The following GJA5 variants were observed in gnomAD, a reference collection of about 807,000 sequenced individuals.
GJA5 encodes gap junction alpha-5 protein.
A neutral mutation model predicts 7.9 loss-of-function variants in GJA5; 3 were observed. That is an observed-to-expected ratio of 0.38 (90% CI 0.17 to 0.99). The LOEUF is 0.99. Ranked by LOEUF, GJA5 falls within the 50% of genes least tolerant of loss-of-function variation. The pLI is 0.38. For missense variants in GJA5, 390 were observed against 457.9 expected, an observed-to-expected ratio of 0.85 and a Z score of 1.35; for synonymous variants, 193 against 181.0, an observed-to-expected ratio of 1.07 and a Z score of -0.53.
intron 1 of GJA5, among the ~76,000 whole-genome samples, chr1:147,768,070 G>A (rs1311765782): frequency 6.6e-6 from 1 of 152,120 alleles, no homozygotes; most frequent in Non-Finnish European, 1.5e-5. Flanking sequence ...GGGCAGTGTG[G>A]GCACCTTCCT....
chr1:147,761,889 GA>G (rs1326789056), upstream of GJA5, among the ~76,000 whole-genome samples: 1 of 152,168 alleles, frequency 6.6e-6, no homozygotes, highest in Non-Finnish European at 1.5e-5. Flanking sequence ...TGGAAATGGA[GA>G]AAAAGACCAT....
intron 1 of GJA5, among the ~76,000 whole-genome samples, chr1:147,771,380 A>G (rs1265750575): frequency 6.6e-6 from 1 of 152,164 alleles, no homozygotes; most frequent in African/African-American, 2.4e-5. Context: ...ATGAGTGAGC[A>G]GGGCAGGGTG....
intron 1 of GJA5, among the ~76,000 whole-genome samples, chr1:147,768,726 A>G (rs1258840697): frequency 1.3e-5 from 2 of 152,186 alleles, no homozygotes; most frequent in Non-Finnish European, 2.9e-5. Context: ...CTTTATAACT[A>G]TACTTTCTAA....
upstream of GJA5, among the ~76,000 whole-genome samples, chr1:147,764,697 A>T (rs181744676): frequency 4.9e-4 from 74 of 152,020 alleles, 1 homozygote; most frequent in East Asian, 0.012. Context: ...GGTGGTGGGC[A>T]CCTGTAATCC....
At chr1:147,763,086 ACT>A (rs1233733462), upstream of GJA5, among the ~76,000 whole-genome samples, 5 of 152,138 alleles carry the variant, frequency 3.3e-5, no homozygotes, top group African/African-American at 1.2e-4. Context: ...CCACTCACAC[ACT>A]CAATACTTAA....
At chr1:147,771,400 C>T (rs1664398397) in intron 1 of GJA5, among the ~76,000 whole-genome samples, 1 of 152,188 alleles carries the variant, frequency 6.6e-6, no homozygotes, top group African/African-American at 2.4e-5. Flanking sequence ...GCTCTCCCAA[C>T]TCAATCAGCC....
chr1:147,762,541 A>T (rs751673496), upstream of GJA5, among the ~76,000 whole-genome samples: 192 of 152,342 alleles, frequency 1.3e-3, no homozygotes, highest in Middle Eastern at 3.4e-3. Flanking sequence ...CCAGAAAGGC[A>T]GTATTAGGAA....
At chr1:147,764,243 A>G (rs181864376), upstream of GJA5, among the ~76,000 whole-genome samples, 260 of 152,298 alleles carry the variant, frequency 1.7e-3, no homozygotes, top group Middle Eastern at 3.4e-3. Context: ...AGCAAAATGG[A>G]TAAGTCTTCT....
At chr1:147,762,347 C>T (rs1470140597), upstream of GJA5, among the ~76,000 whole-genome samples, 1 of 152,182 alleles carries the variant, frequency 6.6e-6, no homozygotes, top group East Asian at 1.9e-4. Context: ...CTCCCTTGAT[C>T]TTCTCACTCT....
chr1:147,767,324 A>G (rs904058168), intron 1 of GJA5, among the ~76,000 whole-genome samples: 1 of 152,086 alleles, frequency 6.6e-6, no homozygotes. Context: ...CAGACACTCT[A>G]TAAGTGTCTT....
intron 1 of GJA5, among the ~76,000 whole-genome samples, chr1:147,768,414 A>C (rs1664282804): frequency 6.6e-6 from 1 of 152,184 alleles, no homozygotes; most frequent in Non-Finnish European, 1.5e-5. Context: ...AAATATGAAA[A>C]GTGAAAGAAA....
chr1:147,769,337 G>A (rs1664317608), intron 1 of GJA5, among the ~76,000 whole-genome samples: 1 of 152,196 alleles, frequency 6.6e-6, no homozygotes, highest in East Asian at 1.9e-4. Context: ...TTAGGCGGAG[G>A]AACTTCCGGT....
upstream of GJA5, among the ~76,000 whole-genome samples, chr1:147,765,330 A>T (rs1664160791): frequency 6.6e-6 from 1 of 152,248 alleles, no homozygotes; most frequent in Non-Finnish European, 1.5e-5. Context: ...TGATTCGTTC[A>T]AATAAACAAT....
At chr1:147,765,711 G>A (rs1241515294) in intron 1 of GJA5, among the ~76,000 whole-genome samples, 4 of 152,200 alleles carry the variant, frequency 2.6e-5, no homozygotes, top group Non-Finnish European at 5.9e-5. Flanking sequence ...GGAGTTTGGA[G>A]TCATTCTCAA....
Position 147,758,346 on chromosome 1 carries a change from G to C in GJA5, c.893C>G (p.Thr298Ser), listed in dbSNP as rs1454021397. The C allele has an allele frequency of 1.2e-6, 2 of 1,614,020 alleles. No individual in the cohort carries two copies. Among genetic ancestry groups the C allele is most frequent in the Admixed American group, 1.7e-5 (1 of 60,008 alleles). Residue 298 changes from threonine to serine, a missense_variant, in exon 2 of 2, where the codon ACC (threonine) becomes AGC (serine). Physicochemically the swap from Thr to Ser is moderately conservative, Grantham distance 58 (BLOSUM62 1). Transcript: ENST00000579774. Reference sequence around the variant, plus strand: ...CTGCTCCTGACCTCGTACTTGCTCGGTGACCAGGTTGTCTGTGTTTTGTTG... The same window carrying C: ...CTGCTCCTGACCTCGTACTTGCTCGCTGACCAGGTTGTCTGTGTTTTGTTG... Reference protein sequence around the residue: ...ASQQNTDNLVTEQVRGQEQTP... With the variant: ...ASQQNTDNLVSEQVRGQEQTP...
At chr1:147,761,915 A>G (rs1664033224), upstream of GJA5, among the ~76,000 whole-genome samples, 1 of 152,210 alleles carries the variant, frequency 6.6e-6, no homozygotes, top group Admixed American at 6.5e-5. Flanking sequence ...GGTTAAGAAA[A>G]GACAGATGCA....
chr1:147,767,127 A>T (rs1664233015), intron 1 of GJA5, among the ~76,000 whole-genome samples: 1 of 152,192 alleles, frequency 6.6e-6, no homozygotes, highest in South Asian at 2.1e-4. Context: ...TAAAATGGGT[A>T]TGTAGGGAGA....
In GJA5 at chr1:147,758,344, C is replaced by T. The variant is rs1553226803; in HGVS notation, c.895G>A (p.Glu299Lys). The change falls in exon 2 of 2, where the codon GAG becomes AAG. Residue 299 changes from glutamate to lysine, a missense_variant. Around this residue, in one of 2 missense-constraint regions of GJA5, gnomAD observed 354 missense variants for 370.9 expected, o/e 0.95. Transcript: ENST00000579774. ...SQQNTDNLVT[E>K]QVRGQEQTPG... Reference sequence around the variant, plus strand: ...GTCTGCTCCTGACCTCGTACTTGCTCGGTGACCAGGTTGTCTGTGTTTTGT... The same window carrying T: ...GTCTGCTCCTGACCTCGTACTTGCTTGGTGACCAGGTTGTCTGTGTTTTGT... 6.2e-7 allele frequency: 1 copy of T among 1,614,118 alleles called. No homozygotes were observed.
intron 1 of GJA5, among the ~76,000 whole-genome samples, chr1:147,770,261 C>T (rs1664348142): frequency 6.6e-6 from 1 of 152,176 alleles, no homozygotes; most frequent in Non-Finnish European, 1.5e-5. Context: ...CTCCCTGAGC[C>T]TCACTTTGCT....
Sources: allele counts gnomAD v4.1 joint callset (sites outside exome capture counted in the v4.1 genomes callset), GRCh38; gene constraint gnomAD v4.1.1; regional missense constraint gnomAD v4.1.1; transcripts MANE v1.5; gene names NCBI Gene and HGNC (gene_info 2026-07-23, HGNC 2026-07-21).